ZBTB45: variants seen among roughly 807,000 people sequenced by gnomAD.
ZBTB45 encodes the protein zinc finger and BTB domain-containing protein 45.
ZBTB45 carries 22 observed loss-of-function variants against 28.4 expected under a neutral mutation model. The ratio of observed to expected loss-of-function variants is 0.77; its 90% CI spans 0.55 to 1.10. ZBTB45 has a LOEUF of 1.10. ZBTB45 is among the 50% of genes least tolerant of loss of function. The pLI is 0.00. For synonymous variants in ZBTB45, 361 were observed against 332.3 expected (o/e 1.09, Z -0.94); for missense variants, 656 against 750.2 (o/e 0.87, Z 1.47).
intron 1 of ZBTB45, among the ~76,000 whole-genome samples, chr19:58,531,910 T>C (rs2053637284): frequency 6.6e-6 from 1 of 152,180 alleles, no homozygotes; most frequent in Non-Finnish European, 1.5e-5. Context: ...CAGCTAGGAC[T>C]TTCCCTGTAT....
chr19:58,526,527 T>TATTATTATTA (rs775634681), intron 1 of ZBTB45, among the ~76,000 whole-genome samples: 1 of 71,458 alleles, frequency 1.4e-5, no homozygotes, highest in Non-Finnish European at 2.9e-5. Flanking sequence ...TTATTATTAT[T>TATTATTATTA]TTTTTTTTTT....
chr19:58,513,884 G>A lies in ZBTB45; in HGVS notation c.*170C>T, dbSNP rs1263403322. Reference sequence around the variant, plus strand: ...GAGGGTTCAAGTACATGGAGGAGAGGAGTAAGGCGGACTTAGGCCCTGGTA... The same window carrying A: ...GAGGGTTCAAGTACATGGAGGAGAGAAGTAAGGCGGACTTAGGCCCTGGTA... On this transcript the variant is annotated 3_prime_UTR_variant, in exon 3 of 3. Transcript: ENST00000594051. 3.7e-6 allele frequency: 3 copies of A among 808,612 alleles called. No individual in the cohort carries two copies. Among genetic ancestry groups the A allele is most frequent in the Non-Finnish European group, 5.2e-6 (3 of 575,604 alleles). The allele number at this position is 808,612 out of a possible 1,614,324, so 50.1% of individuals were successfully genotyped here. A position where few individuals can be genotyped will look rare whatever the true frequency, so the allele number is the denominator to read the frequency against.
At chr19:58,529,084 CAAAAA>C (rs1231496438) in intron 1 of ZBTB45, among the ~76,000 whole-genome samples, 1 of 61,440 alleles carries the variant, frequency 1.6e-5, no homozygotes. Flanking sequence ...AACTCCATCT[CAAAAA>C]AAAAAAAAAA....
intron 1 of ZBTB45, chr19:58,518,967 C>CG (rs2053550670): frequency 6.6e-6 from 1 of 152,602 alleles, no homozygotes; most frequent in Non-Finnish European, 1.5e-5. Flanking sequence ...CTCAGCCAGA[C>CG]GCCTCCCTTT....
intron 1 of ZBTB45, among the ~76,000 whole-genome samples, chr19:58,538,457 G>A (rs868061116): frequency 5.3e-5 from 8 of 152,250 alleles, no homozygotes; most frequent in Middle Eastern, 6.8e-3. Flanking sequence ...CAGGCTGGGC[G>A]TGGAGGCGGT....
intron 1 of ZBTB45, among the ~76,000 whole-genome samples, chr19:58,531,430 C>T (rs914142290): frequency 6.6e-6 from 1 of 152,194 alleles, no homozygotes; most frequent in Admixed American, 6.5e-5. Flanking sequence ...CGGGTTCCCC[C>T]TACACAGCCA....
At chr19:58,523,045 G>A (rs944838790), upstream of ZBTB45, among the ~76,000 whole-genome samples, 9 of 152,132 alleles carry the variant, frequency 5.9e-5, no homozygotes, top group African/African-American at 1.7e-4. Context: ...GAGAGGACAC[G>A]GGTGGCTTTA....
chr19:58,517,756 T>G (rs1169580542), intron 1 of ZBTB45, 83 bp from the exon 2 acceptor site: 1 of 1,346,580 alleles, frequency 7.4e-7, no homozygotes, highest in Non-Finnish European at 1.0e-6. Context: ...CACCCCTTGT[T>G]GCAGGACAGG....
Position 58,516,316 on chromosome 19 carries a change from T to C in ZBTB45, c.1279+79A>G. 2 of 1,557,036 alleles carry C rather than the reference T, an allele frequency of 1.3e-6. No homozygotes were observed. Among genetic ancestry groups the C allele is most frequent in the Non-Finnish European group, 1.8e-6 (2 of 1,141,102 alleles). ...AAGTAACAGAACAGTGCCAGTGCCCTGTAACTAGTGCTCAATTCCCCCTCA... is the reference window on the plus strand; with the variant it reads ...AAGTAACAGAACAGTGCCAGTGCCCCGTAACTAGTGCTCAATTCCCCCTCA... On this transcript the variant is annotated intron_variant, in intron 2 of 2. Coordinates refer to ENST00000594051, the MANE Select transcript of ZBTB45 (RefSeq NM_001316979.2). This position sits in a 1 kb window ranked among gnomAD's most constrained non-coding sequence, Gnocchi z 6.2.
In ZBTB45 at chr19:58,515,188, C is replaced by T. The variant is rs1479520680; in HGVS notation, c.1280-878G>A. ...AAAAATAGCCGGGTGTGGTGGTGCA[C>T]GCCTGTAATCCCAGCTACTTGGGAG... On this transcript the variant is annotated intron_variant, in intron 2 of 2. Transcript: ENST00000594051. This position sits in a 1 kb window ranked among gnomAD's most constrained non-coding sequence, Gnocchi z 4.7. 4.0e-5 allele frequency among the ~76,000 whole-genome samples: 6 copies of T among 151,894 alleles called. No homozygotes were observed. Among genetic ancestry groups the T allele is most frequent in the Admixed American group, 1.3e-4 (2 of 15,250 alleles).
At chr19:58,532,841 CG>C in intron 1 of ZBTB45, among the ~76,000 whole-genome samples, 1 of 151,338 alleles carries the variant, frequency 6.6e-6, no homozygotes, top group Non-Finnish European at 1.5e-5. Flanking sequence ...GCCACCACCC[CG>C]GCCATGTTTT....
intron 1 of ZBTB45, among the ~76,000 whole-genome samples, chr19:58,529,424 TAC>T (rs1285929597): frequency 6.6e-6 from 1 of 152,124 alleles, no homozygotes; most frequent in Non-Finnish European, 1.5e-5. Flanking sequence ...TCTCAATAAA[TAC>T]ACAGATAACC....
intron 1 of ZBTB45, among the ~76,000 whole-genome samples, chr19:58,532,785 G>T (rs1299346465): frequency 6.6e-6 from 1 of 152,066 alleles, no homozygotes; most frequent in Non-Finnish European, 1.5e-5. Context: ...TGACTCAGGT[G>T]ATCCGCCCAC....
At chr19:58,522,550 G>T (rs972020148), upstream of ZBTB45, among the ~76,000 whole-genome samples, 5 of 151,990 alleles carry the variant, frequency 3.3e-5, no homozygotes, top group Non-Finnish European at 7.4e-5. Context: ...CAGGAGAATC[G>T]CTTGAACCCG....
chr19:58,521,835 A>G (rs1366416908), upstream of ZBTB45, among the ~76,000 whole-genome samples: 1 of 152,090 alleles, frequency 6.6e-6, no homozygotes, highest in Non-Finnish European at 1.5e-5. Flanking sequence ...CCCCTATCCC[A>G]GAGGACAGAG....
chr19:58,535,813 C>G (rs916612907), intron 1 of ZBTB45, among the ~76,000 whole-genome samples: 14 of 152,192 alleles, frequency 9.2e-5, no homozygotes, highest in African/African-American at 2.9e-4. Flanking sequence ...TTGCTGATGA[C>G]TGATCCACCA....
upstream of ZBTB45, among the ~76,000 whole-genome samples, chr19:58,523,569 C>T (rs1434439516): frequency 6.6e-6 from 1 of 150,384 alleles, no homozygotes; most frequent in Non-Finnish European, 1.5e-5. Flanking sequence ...GAGGCTGAGG[C>T]AGGAGAATAG....
upstream of ZBTB45, among the ~76,000 whole-genome samples, chr19:58,524,433 A>ATGTGTGTGTGTGTGTG (rs1364446202): frequency 9.0e-6 from 1 of 111,718 alleles, no homozygotes; most frequent in African/African-American, 3.9e-5. Flanking sequence ...GTGTGTTCAT[A>ATGTGTGTGTGTGTGTG]TATGTGTGTG....
chr19:58,516,714 A>G lies in ZBTB45; in HGVS notation c.960T>C (p.Pro320=). The change falls in exon 2 of 3, where the codon CCT becomes CCC. Residue 320 remains proline, a synonymous_variant. Transcript: ENST00000594051. This position sits in a 1 kb window ranked among gnomAD's most constrained non-coding sequence, Gnocchi z 6.2. The stretch of plus-strand genomic sequence containing the variant: ...CGGGCGGCCCTGGGGTCTTCACACC[A>G]GGCGGGCGGGATCCAGACAGTATGC... ...PDCILSGSRP[P]GVKTPGPPVA... 1 of 1,598,476 alleles carries G rather than the reference A, an allele frequency of 6.3e-7. No homozygotes were observed. Among genetic ancestry groups the G allele is most frequent in the South Asian group, 1.1e-5 (1 of 88,550 alleles).
Sources: allele counts gnomAD v4.1 joint callset (sites outside exome capture counted in the v4.1 genomes callset), GRCh38; gene constraint gnomAD v4.1.1; non-coding constraint Gnocchi (gnomAD v3.1); transcripts MANE v1.5; gene names NCBI Gene and HGNC (gene_info 2026-07-23, HGNC 2026-07-21).